ASIC2: variants seen among roughly 807,000 people sequenced by gnomAD.
ASIC2 encodes the protein acid sensing ion channel subunit 2.
In ASIC2, 25 loss-of-function variants were observed where a neutral mutation model predicts 57.3. That is an observed-to-expected ratio of 0.44 (90% CI 0.32 to 0.61). The LOEUF is 0.61. Ranked by LOEUF, ASIC2 falls within the 20% of genes least tolerant of loss-of-function variation. The pLI is 0.06. For missense variants in ASIC2, 641 were observed against 738.1 expected (o/e 0.87, Z 1.52); for synonymous variants, 319 against 307.5 (o/e 1.04, Z -0.39).
At chr17:33,187,811 A>C (rs569665528) in intron 1 of ASIC2, among the ~76,000 whole-genome samples, 2 of 152,074 alleles carry the variant, frequency 1.3e-5, no homozygotes, top group Non-Finnish European at 2.9e-5. Flanking sequence ...TCCCAGGACA[A>C]GGCCCCCAAA....
In ASIC2 at chr17:33,466,235, C is replaced by T. The variant is rs143662052; in HGVS notation, c.556-354168G>A. ...GCCAAATCATGAGTGAACTCCCATT[C>T]GCAATTGCTACAAAGGAAATAAAAT... On this transcript the variant is annotated intron_variant, in intron 1 of 9. Coordinates refer to the ASIC2 transcript ENST00000359872. Among the ~76,000 whole-genome samples, 1,127 of 152,216 alleles carry T rather than the reference C, an allele frequency of 7.4e-3. 13 individuals are homozygous for T. Among genetic ancestry groups the T allele is most frequent in the African/African-American group, 0.026 (1,070 of 41,518 alleles).
chr17:33,859,922 C>A (rs1056011653), intron 1 of ASIC2, among the ~76,000 whole-genome samples: 6 of 152,214 alleles, frequency 3.9e-5, no homozygotes, highest in African/African-American at 1.4e-4. Flanking sequence ...TGTGTTCAAG[C>A]AGTCCTTCTG....
chr17:33,572,817 C>G (rs1567654845), intron 1 of ASIC2, among the ~76,000 whole-genome samples: 2 of 152,204 alleles, frequency 1.3e-5, no homozygotes, highest in Non-Finnish European at 1.5e-5. Flanking sequence ...TGTGCCTTCC[C>G]CTGCTCCATA....
chr17:33,055,720 C>T (rs1316846359), intron 3 of ASIC2, among the ~76,000 whole-genome samples: 1 of 152,092 alleles, frequency 6.6e-6, no homozygotes, highest in East Asian at 1.9e-4. Context: ...TCAGGAAATT[C>T]GCAAGTTAAA....
chr17:33,302,864 C>G (rs1459065157), intron 1 of ASIC2, among the ~76,000 whole-genome samples: 1 of 152,148 alleles, frequency 6.6e-6, no homozygotes, highest in Non-Finnish European at 1.5e-5. Flanking sequence ...AGTGGTTTCT[C>G]AGGACAACTC....
chr17:34,047,181 C>CA (rs1436537940), intron 1 of ASIC2, among the ~76,000 whole-genome samples: 1 of 152,090 alleles, frequency 6.6e-6, no homozygotes, highest in Non-Finnish European at 1.5e-5. Context: ...ATACAGCTCC[C>CA]ATTACCAGGG....
chr17:33,683,966 A>C (rs7208560), intron 1 of ASIC2, among the ~76,000 whole-genome samples: 33,969 of 152,052 alleles, frequency 0.22, 3,969 homozygotes, highest in African/African-American at 0.3. Flanking sequence ...CCAACGTACG[A>C]ATTTAGGGGG....
intron 1 of ASIC2, chr17:33,935,969 A>C (rs546161174): frequency 6.6e-6 from 1 of 152,180 alleles, no homozygotes. Flanking sequence ...GGCTCTGCCA[A>C]TCTCAGGCTG....
At chr17:33,922,824 C>T (rs369119574) in intron 1 of ASIC2, among the ~76,000 whole-genome samples, 2 of 152,290 alleles carry the variant, frequency 1.3e-5, no homozygotes, top group African/African-American at 4.8e-5. Flanking sequence ...ATGCCACCAT[C>T]TCACGAATGG....
At chr17:33,742,265 C>T (rs1326503587) in intron 1 of ASIC2, among the ~76,000 whole-genome samples, 4 of 152,214 alleles carry the variant, frequency 2.6e-5, no homozygotes, top group Admixed American at 6.5e-5. Context: ...CTCTTGCAGC[C>T]CCCTACTGTG....
intron 1 of ASIC2, among the ~76,000 whole-genome samples, chr17:33,972,560 AAAAAC>A (rs1567774258): frequency 1.3e-5 from 2 of 152,342 alleles, no homozygotes; most frequent in African/African-American, 4.8e-5. Context: ...CTCTGTTTGG[AAAAAC>A]AAAACAAAAC....
At position 33,672,833 on chromosome 17, in the gene ASIC2, A is replaced by G. The variant is rs756364515; in HGVS notation, c.555+483145T>C. 2.6e-5 allele frequency among the ~76,000 whole-genome samples: 4 copies of G among 152,328 alleles called. No homozygotes were observed. The East Asian group carries it at 7.7e-4, about 29-fold the overall frequency. On this transcript the variant is annotated intron_variant, in intron 1 of 9. Transcript: ENST00000359872. Reference sequence around the variant, plus strand: ...TGAGACGCCTGCAGAAATGACTGGAACATACGGCAGAGCCTCTGTGGACAA... The same window carrying G: ...TGAGACGCCTGCAGAAATGACTGGAGCATACGGCAGAGCCTCTGTGGACAA...
At chr17:33,880,117 G>A (rs1914662566) in intron 1 of ASIC2, among the ~76,000 whole-genome samples, 1 of 152,158 alleles carries the variant, frequency 6.6e-6, no homozygotes. Context: ...TGTGTAGAGG[G>A]AAATTTATAG....
chr17:33,870,596 C>A (rs1209396091), intron 1 of ASIC2, among the ~76,000 whole-genome samples: 2 of 151,866 alleles, frequency 1.3e-5, no homozygotes, highest in Admixed American at 6.6e-5. Flanking sequence ...GTACAATTTT[C>A]GGAATCTACT....
intron 1 of ASIC2, among the ~76,000 whole-genome samples, chr17:33,709,392 C>T (rs1482185050): frequency 3.9e-5 from 6 of 152,194 alleles, no homozygotes; most frequent in African/African-American, 9.7e-5. Context: ...GAGATAATCT[C>T]GGATTATTCA....
At chr17:33,820,871 C>T (rs556665105) in intron 1 of ASIC2, among the ~76,000 whole-genome samples, 44 of 152,204 alleles carry the variant, frequency 2.9e-4, no homozygotes, top group African/African-American at 8.9e-4. Flanking sequence ...CACTTAAATG[C>T]GGCTGTTAGA....
intron 1 of ASIC2, among the ~76,000 whole-genome samples, chr17:33,566,433 T>A (rs1916235806): frequency 6.6e-6 from 1 of 152,160 alleles, no homozygotes; most frequent in Admixed American, 6.5e-5. Context: ...TCATCTGGGC[T>A]GCCAGCTGTC....
intron 1 of ASIC2, among the ~76,000 whole-genome samples, chr17:33,668,682 C>CT (rs746267278): frequency 5.8e-4 from 89 of 152,284 alleles, no homozygotes; most frequent in Admixed American, 3.3e-4. Context: ...GCATGGATAT[C>CT]TTTAAGAGGC....
intron 1 of ASIC2, among the ~76,000 whole-genome samples, chr17:33,682,935 C>A (rs1456792530): frequency 6.6e-6 from 1 of 152,204 alleles, no homozygotes; most frequent in Non-Finnish European, 1.5e-5. Context: ...CCATCCATTG[C>A]AAGAGATGTA....
Sources: gnomAD v4.1 joint callset for allele counts (sites outside exome capture counted in the v4.1 genomes callset) on GRCh38, gnomAD v4.1.1 for gene constraint, MANE v1.5 for transcripts, NCBI Gene and HGNC (gene_info 2026-07-23, HGNC 2026-07-21) for gene names.